The following SNTG1 variants were observed in gnomAD, a reference collection of about 807,000 sequenced individuals.
SNTG1 encodes gamma-1-syntrophin.
In SNTG1, 39 loss-of-function variants were observed where a neutral mutation model predicts 74.7. The ratio of observed to expected loss-of-function variants is 0.52; its 90% CI spans 0.40 to 0.68. The LOEUF is 0.68. Ranked by LOEUF, SNTG1 falls within the 30% of genes least tolerant of loss-of-function variation. The pLI, the probability that SNTG1 is intolerant of heterozygous loss-of-function variation, is 0.00. For synonymous variants in SNTG1, 254 were observed against 217.1 expected, an observed-to-expected ratio of 1.17 and a Z score of -1.49; for missense variants, 685 against 609.5, an observed-to-expected ratio of 1.12 and a Z score of -1.30.
chr8:50,721,171 T>G (rs1340828523), intron 17 of SNTG1, among the ~76,000 whole-genome samples: 1 of 152,232 alleles, frequency 6.6e-6, no homozygotes, highest in Non-Finnish European at 1.5e-5. Flanking sequence ...CAAGGAACAC[T>G]TGATGTCATT....
At chr8:50,455,843 C>T (rs1298796843) in intron 8 of SNTG1, among the ~76,000 whole-genome samples, 1 of 152,144 alleles carries the variant, frequency 6.6e-6, no homozygotes, top group East Asian at 1.9e-4. Flanking sequence ...TTTTACCTAA[C>T]TGCTAACGAT....
chr8:49,998,028 G>T (rs561954544), intron 1 of SNTG1, among the ~76,000 whole-genome samples: 1 of 152,074 alleles, frequency 6.6e-6, no homozygotes, highest in South Asian at 2.1e-4. Flanking sequence ...TGTACACCTG[G>T]TCTATATGGT....
At chr8:50,266,314 G>T (rs2087463127) in intron 2 of SNTG1, among the ~76,000 whole-genome samples, 1 of 152,046 alleles carries the variant, frequency 6.6e-6, no homozygotes. Flanking sequence ...TTTCAACAAA[G>T]ATGGTGAGAG....
chr8:50,150,948 T>A (rs1053720512), intron 1 of SNTG1, among the ~76,000 whole-genome samples: 1 of 152,216 alleles, frequency 6.6e-6, no homozygotes, highest in Non-Finnish European at 1.5e-5. Context: ...GAGGATTCCC[T>A]CTTTTTCTAT....
chr8:50,605,476 G>T lies in SNTG1; in HGVS notation c.849+14559G>T, dbSNP rs149420919. Among the ~76,000 whole-genome samples, 189 of 152,290 alleles carry T rather than the reference G, an allele frequency of 1.2e-3. 3 individuals carry two copies. In the East Asian group the frequency reaches 0.027, roughly 22 times the overall value. On this transcript the variant is annotated intron_variant, in intron 13 of 18. Coordinates refer to ENST00000642720, the MANE Select transcript of SNTG1 (RefSeq NM_018967.5). ...GCTCCGAATGCTCCTTCCATGGGCA[G>T]GAACCAGCTGAGCAACAGTCTTTGG...
intron 1 of SNTG1, among the ~76,000 whole-genome samples, chr8:49,972,083 G>A (rs1811737812): frequency 6.6e-6 from 1 of 152,162 alleles, no homozygotes; most frequent in African/African-American, 2.4e-5. Context: ...AAAGAACAAA[G>A]CTGGAGGCAT....
At chr8:50,761,736 T>C (rs2095599590) in intron 18 of SNTG1, among the ~76,000 whole-genome samples, 1 of 151,900 alleles carries the variant, frequency 6.6e-6, no homozygotes, top group Non-Finnish European at 1.5e-5. Flanking sequence ...CAATCACAAA[T>C]ACACAGCAGT....
chr8:50,192,135 C>A (rs1279415093), intron 2 of SNTG1, among the ~76,000 whole-genome samples: 2 of 152,134 alleles, frequency 1.3e-5, no homozygotes, highest in African/African-American at 4.8e-5. Context: ...GAGTGCAGCA[C>A]AAGAAAGCCA....
chr8:50,143,696 C>T lies in SNTG1; in HGVS notation c.-102-28865C>T, dbSNP rs375316686. On this transcript the variant is annotated intron_variant, in intron 1 of 18. Transcript: ENST00000642720. ...AAGAACCAATATGTTACTGTTTGGG[C>T]GCATAACTCTGTTGGTCTGGTTTAA... Among the ~76,000 whole-genome samples the T allele has an allele frequency of 3.3e-5, 5 of 152,180 alleles. No individual in the cohort carries two copies. The South Asian group carries it at 6.2e-4, about 19-fold the overall frequency.
chr8:50,217,076 A>G (rs1487633534), intron 2 of SNTG1, among the ~76,000 whole-genome samples: 1 of 151,848 alleles, frequency 6.6e-6, no homozygotes, highest in Non-Finnish European at 1.5e-5. Flanking sequence ...CAAACAAATG[A>G]AACAAATGGG....
intron 8 of SNTG1, among the ~76,000 whole-genome samples, chr8:50,500,970 G>T (rs1375364153): frequency 6.6e-6 from 1 of 152,104 alleles, no homozygotes; most frequent in African/African-American, 2.4e-5. Flanking sequence ...ATAGTCTCAG[G>T]ACCTTGACAA....
chr8:50,473,718 G>T (rs371850685), intron 8 of SNTG1, among the ~76,000 whole-genome samples: 2 of 152,046 alleles, frequency 1.3e-5, no homozygotes, highest in Non-Finnish European at 2.9e-5. Context: ...TACTTGCAAT[G>T]GAATATTATT....
At chr8:50,707,266 C>T (rs2131543518) in intron 16 of SNTG1, among the ~76,000 whole-genome samples, 1 of 152,122 alleles carries the variant, frequency 6.6e-6, no homozygotes, top group Admixed American at 6.5e-5. Context: ...AATGACAGTG[C>T]TTGAAATAAG....
intron 1 of SNTG1, among the ~76,000 whole-genome samples, chr8:50,120,961 G>C (rs1214999149): frequency 7.1e-6 from 1 of 141,476 alleles, no homozygotes; most frequent in Non-Finnish European, 1.6e-5. Flanking sequence ...CGTATCGTAG[G>C]ACAATCTGAC....
chr8:50,406,813 T>A (rs1009712934), intron 4 of SNTG1, among the ~76,000 whole-genome samples: 3 of 152,144 alleles, frequency 2.0e-5, no homozygotes, highest in Non-Finnish European at 4.4e-5. Flanking sequence ...GTGTGCTTTT[T>A]AATTTTTTTT....
chr8:49,941,946 G>A (rs1260951693), intron 1 of SNTG1, among the ~76,000 whole-genome samples: 3 of 152,128 alleles, frequency 2.0e-5, no homozygotes, highest in Non-Finnish European at 4.4e-5. Context: ...TTCGAGAAGT[G>A]TTCAGACATA....
intron 2 of SNTG1, among the ~76,000 whole-genome samples, chr8:50,357,242 C>T (rs563892998): frequency 1.3e-5 from 2 of 152,314 alleles, no homozygotes; most frequent in African/African-American, 2.4e-5. Flanking sequence ...TCCCCCTCCA[C>T]GACTCTCAGA....
At chr8:50,235,699 G>A (rs993046013) in intron 2 of SNTG1, among the ~76,000 whole-genome samples, 1 of 152,082 alleles carries the variant, frequency 6.6e-6, no homozygotes, top group Non-Finnish European at 1.5e-5. Flanking sequence ...TAGATAAGAA[G>A]TAAGTCAAAG....
intron 2 of SNTG1, among the ~76,000 whole-genome samples, chr8:50,215,288 G>A (rs1399131952): frequency 6.6e-6 from 1 of 151,382 alleles, no homozygotes; most frequent in Admixed American, 6.6e-5. Context: ...ATATCCATCT[G>A]GGAAAAGTTG....
Sources: allele counts gnomAD v4.1 joint callset (sites outside exome capture counted in the v4.1 genomes callset), GRCh38; gene constraint gnomAD v4.1.1; transcripts MANE v1.5; gene names NCBI Gene and HGNC (gene_info 2026-07-23, HGNC 2026-07-21).